The following MTUS1 variants were observed in gnomAD, a reference collection of about 807,000 sequenced individuals.
MTUS1 encodes microtubule-associated tumor suppressor 1.
A neutral mutation model predicts 120.8 loss-of-function variants in MTUS1; 109 were observed. The observed-to-expected ratio is 0.90, with a 90% CI of 0.77 to 1.06. The LOEUF is 1.06. MTUS1 is among the 50% of genes least tolerant of loss of function. The pLI is 0.00. For missense variants in MTUS1, 2,210 were observed against 1,486.3 expected (o/e 1.49, Z -8.01); for synonymous variants, 737 against 550.5 (o/e 1.34, Z -4.74).
In MTUS1 at chr8:17,644,590, TCTG is replaced by T; in HGVS notation, c.*1333_*1335del. 6.6e-6 allele frequency: 1 copy of T among 152,380 alleles called. No individual in the cohort carries two copies. Among genetic ancestry groups the T allele is most frequent in the East Asian group, 1.9e-4 (1 of 5,182 alleles). 9.4% of individuals were successfully genotyped at this position (152,380 alleles called of 1,614,324 possible). On this transcript the variant is annotated 3_prime_UTR_variant, in exon 15 of 15. Coordinates refer to ENST00000693296, the MANE Select transcript of MTUS1 (RefSeq NM_001363059.2). ...CACTCATGGGAAAGAAGCGGACCAT[TCTG>T]CTACTTTCCCAAAGACAAAGGGACT...
chr8:17,774,958 A>C (rs886530962), intron 1 of MTUS1, among the ~76,000 whole-genome samples: 1 of 143,634 alleles, frequency 7.0e-6, no homozygotes, highest in Non-Finnish European at 1.5e-5. Flanking sequence ...CTGAACCCTG[A>C]AAATATTATA....
chr8:17,651,584 G>C (rs1199977638), intron 12 of MTUS1: 1 of 150,482 alleles, frequency 6.6e-6, no homozygotes, highest in African/African-American at 2.5e-5. Flanking sequence ...TTTTGTTAGA[G>C]GGAAATGGCA....
intron 2 of MTUS1, among the ~76,000 whole-genome samples, chr8:17,747,737 G>A (rs896434122): frequency 9.2e-5 from 14 of 152,174 alleles, no homozygotes; most frequent in African/African-American, 3.4e-4. Context: ...CTTGACTGAT[G>A]TATTAGTCCA....
At chr8:17,648,061 A>C (rs569816281) in intron 13 of MTUS1, among the ~76,000 whole-genome samples, 52 of 152,338 alleles carry the variant, frequency 3.4e-4, no homozygotes, top group African/African-American at 1.2e-3. Context: ...AACGTGGAAA[A>C]AAACCTGGAA....
At chr8:17,707,776 C>G (rs543393090) in intron 6 of MTUS1, among the ~76,000 whole-genome samples, 1 of 152,282 alleles carries the variant, frequency 6.6e-6, no homozygotes, top group Admixed American at 6.5e-5. Flanking sequence ...GCAAAGGTAA[C>G]ATATAAATGC....
chr8:17,653,158 T>C, intron 12 of MTUS1, 28 bp downstream of exon 12: 2 of 1,328,322 alleles, frequency 1.5e-6, no homozygotes, highest in Non-Finnish European at 1.0e-6. Flanking sequence ...AAAAATTCCA[T>C]ACTGATAAAG....
In MTUS1 at chr8:17,737,735, C is replaced by T. The variant is rs566491124; in HGVS notation, c.2287+5869G>A. ...CTCTTGGGCTCAAGTAATCCTCCCA[C>T]TTCATCCTCCCTAATTCCTGGGATC... On this transcript the variant is annotated intron_variant, in intron 3 of 14. Transcript: ENST00000693296. Among the ~76,000 whole-genome samples, 107 of 152,310 alleles carry T rather than the reference C, an allele frequency of 7.0e-4. 1 individual carries two copies. The highest frequency in any genetic ancestry group is 2.5e-3 in the African/African-American group (104 of 41,576).
Position 17,723,045 on chromosome 8 carries a change from A to C in MTUS1, c.2449+627T>G, listed in dbSNP as rs1171094232. The stretch of plus-strand genomic sequence containing the variant: ...ATATCCTGTGCTCCTCACTGCGCCT[A>C]TCATGGTGTCTGTGCACAGCGGGCA... On this transcript the variant is annotated intron_variant, in intron 4 of 14. Transcript: ENST00000693296. Among the ~76,000 whole-genome samples, 4 of 152,204 alleles carry C rather than the reference A, an allele frequency of 2.6e-5. No individual in the cohort carries two copies. The East Asian group carries it at 5.8e-4, about 22-fold the overall frequency.
chr8:17,769,069 G>T (rs1424853504), intron 1 of MTUS1, among the ~76,000 whole-genome samples: 1 of 152,000 alleles, frequency 6.6e-6, no homozygotes, highest in Admixed American at 6.6e-5. Context: ...TGGGGGTGGA[G>T]GAGCAAGCCC....
chr8:17,755,093 G>C lies in MTUS1; in HGVS notation c.715C>G (p.Gln239Glu), dbSNP rs867947966. The change falls in exon 2 of 15, where the codon CAA (glutamine) becomes GAA (glutamate). Residue 239 changes from glutamine (Q) to glutamate (E), a missense_variant. Physicochemically the swap from Gln to Glu is conservative, Grantham distance 29 (BLOSUM62 2). Coordinates refer to ENST00000693296, the MANE Select transcript of MTUS1 (RefSeq NM_001363059.2). The stretch of plus-strand genomic sequence containing the variant: ...GAAAATGCTGTGTAAGTCATGTCTT[G>C]GGCTTCTGATGGTGTGACTTGAGGG... ...ENPQVTPSEA[Q>E]DMTYTAFSDV... is the part of the protein sequence containing the mutation. 5.6e-6 allele frequency: 9 copies of C among 1,613,824 alleles called. No individual in the cohort carries two copies. Among genetic ancestry groups the C allele is most frequent in the Non-Finnish European group, 7.6e-6 (9 of 1,180,018 alleles).
chr8:17,779,912 T>C (rs1391179936), intron 1 of MTUS1, among the ~76,000 whole-genome samples: 2 of 152,236 alleles, frequency 1.3e-5, no homozygotes, highest in East Asian at 3.8e-4. Flanking sequence ...CAGGTTTGAA[T>C]TCTCAACTGT....
chr8:17,680,941 C>G, intron 7 of MTUS1, among the ~76,000 whole-genome samples: 1 of 149,250 alleles, frequency 6.7e-6, no homozygotes, highest in Non-Finnish European at 1.5e-5. Context: ...TGCTTTTTTT[C>G]TTTTTTTTTT....
At chr8:17,728,589 A>C (rs902762977) in intron 3 of MTUS1, among the ~76,000 whole-genome samples, 3 of 152,224 alleles carry the variant, frequency 2.0e-5, no homozygotes, top group African/African-American at 7.2e-5. Flanking sequence ...CTGTAAACTA[A>C]AGAAAACATC....
At chr8:17,772,734 T>G (rs1260646519) in intron 1 of MTUS1, among the ~76,000 whole-genome samples, 2 of 152,196 alleles carry the variant, frequency 1.3e-5, no homozygotes, top group Non-Finnish European at 2.9e-5. Flanking sequence ...AGGCACTAAG[T>G]AAAAGCATTT....
At chr8:17,779,726 G>C (rs553654050) in intron 1 of MTUS1, among the ~76,000 whole-genome samples, 9 of 152,306 alleles carry the variant, frequency 5.9e-5, no homozygotes, top group African/African-American at 2.2e-4. Context: ...TAAACTCACA[G>C]ACTTCTCTTT....
intron 6 of MTUS1, chr8:17,691,352 T>C (rs1275059746): frequency 6.6e-6 from 1 of 152,240 alleles, no homozygotes; most frequent in Non-Finnish European, 1.5e-5. Context: ...TCTTCTTCAA[T>C]TGAAAGCTGT....
At chr8:17,660,116 T>C (rs1809352841) in intron 8 of MTUS1, among the ~76,000 whole-genome samples, 1 of 152,184 alleles carries the variant, frequency 6.6e-6, no homozygotes, top group African/African-American at 2.4e-5. Context: ...CTCACGCCTG[T>C]AATCCCAGCA....
intron 6 of MTUS1, among the ~76,000 whole-genome samples, chr8:17,690,391 T>C (rs573671085): frequency 2.1e-4 from 32 of 152,272 alleles, no homozygotes; most frequent in African/African-American, 7.5e-4. Flanking sequence ...ACCACAGATG[T>C]TGGCAAAGAT....
intron 6 of MTUS1, among the ~76,000 whole-genome samples, chr8:17,707,676 CA>C (rs1178711145): frequency 6.6e-6 from 1 of 152,116 alleles, no homozygotes; most frequent in African/African-American, 2.4e-5. Context: ...TCAAGGGACC[CA>C]GAATAGCCAT....
Sources: allele counts gnomAD v4.1 joint callset (sites outside exome capture counted in the v4.1 genomes callset), GRCh38; gene constraint gnomAD v4.1.1; transcripts MANE v1.5; gene names NCBI Gene and HGNC (gene_info 2026-07-23, HGNC 2026-07-21).